GAB1: variants seen among roughly 807,000 people sequenced by gnomAD.
The protein encoded by GAB1 is GRB2 associated binding protein 1.
GAB1 carries 19 observed loss-of-function variants against 66.5 expected under a neutral mutation model. That is an observed-to-expected ratio of 0.29 (90% CI 0.20 to 0.42). The LOEUF (loss-of-function observed/expected upper bound fraction) is 0.42. Among genes scored for constraint, GAB1 ranks in the 10% least tolerant of loss-of-function variants. The pLI is 1.00. For synonymous variants in GAB1, 294 were observed against 301.4 expected, an observed-to-expected ratio of 0.98 and a Z score of 0.25; for missense variants, 732 against 858.5, an observed-to-expected ratio of 0.85 and a Z score of 1.84.
chr4:143,359,311 A>G (rs1014640314), intron 1 of GAB1, among the ~76,000 whole-genome samples: 2 of 152,182 alleles, frequency 1.3e-5, no homozygotes, highest in African/African-American at 4.8e-5. Context: ...TGATACTGAA[A>G]GTAGATTATT....
chr4:143,470,676 A>G lies in GAB1; in HGVS notation c.*1487A>G, dbSNP rs1294084736. On this transcript the variant is annotated 3_prime_UTR_variant, in exon 10 of 10. Transcript: ENST00000262994. ...ATGTACTGATTTGAGACTTATAACA[A>G]TTTTTGGAGGGGGCATAGAGAAAGG... The G allele has an allele frequency of 6.6e-6, 1 of 152,224 alleles. No individual in the cohort carries two copies. Among genetic ancestry groups the G allele is most frequent in the African/African-American group, 2.4e-5 (1 of 41,462 alleles). The allele number at this position is 152,224 out of a possible 1,614,324, so 9.4% of individuals were successfully genotyped here.
intron 8 of GAB1, among the ~76,000 whole-genome samples, chr4:143,464,817 A>T (rs575405052): frequency 6.6e-6 from 1 of 152,220 alleles, no homozygotes; most frequent in Non-Finnish European, 1.5e-5. Flanking sequence ...AATAGTCTCA[A>T]TATTTTCCTA....
chr4:143,425,986 A>T (rs1733331968), intron 2 of GAB1: 9 of 677,650 alleles, frequency 1.3e-5, no homozygotes, highest in East Asian at 2.7e-5. Flanking sequence ...GTATCTAAAT[A>T]AAAAAAATTT....
intron 2 of GAB1, among the ~76,000 whole-genome samples, chr4:143,432,069 C>A (rs1179657184): frequency 6.6e-6 from 1 of 152,154 alleles, no homozygotes; most frequent in Non-Finnish European, 1.5e-5. Flanking sequence ...TGGGGAAGAA[C>A]CTGTCATATG....
rs1006681746 is a variant in GAB1 at position 143,469,904 on chromosome 4, T to A, written c.*715T>A. The A allele has an allele frequency of 2.0e-5, 3 of 152,740 alleles. No homozygotes were observed. The highest frequency in any genetic ancestry group is 2.0e-4 in the Admixed American group (3 of 15,294). 9.5% of individuals were successfully genotyped at this position (152,740 alleles called of 1,614,324 possible). On this transcript the variant is annotated 3_prime_UTR_variant, in exon 10 of 10. Coordinates refer to ENST00000262994, the MANE Select transcript of GAB1 (RefSeq NM_002039.4). ...AAGACTGAATAATTACACTACCAAG[T>A]AAGCCTGCAAATCATTGATGGCATG...
At chr4:143,430,147 A>C (rs1733575786) in intron 2 of GAB1, among the ~76,000 whole-genome samples, 1 of 152,182 alleles carries the variant, frequency 6.6e-6, no homozygotes, top group African/African-American at 2.4e-5. Context: ...AGAAACCTAC[A>C]TTTGAAAGCA....
intron 2 of GAB1, among the ~76,000 whole-genome samples, chr4:143,420,622 A>G (rs1464868010): frequency 1.3e-5 from 2 of 152,092 alleles, no homozygotes; most frequent in East Asian, 3.8e-4. Flanking sequence ...TCTGCAACAC[A>G]AGGTGGAAGC....
intron 2 of GAB1, among the ~76,000 whole-genome samples, chr4:143,416,570 T>C (rs181165264): frequency 8.5e-5 from 13 of 152,264 alleles, no homozygotes; most frequent in Admixed American, 8.5e-4. Flanking sequence ...AAGGAGTTCT[T>C]CAAGACCAGC....
At chr4:143,389,740 G>C (rs1731095427) in intron 1 of GAB1, among the ~76,000 whole-genome samples, 2 of 152,182 alleles carry the variant, frequency 1.3e-5, no homozygotes, top group East Asian at 3.8e-4. Context: ...AACAGTAAGT[G>C]CTCAGTACAT....
intron 1 of GAB1, among the ~76,000 whole-genome samples, chr4:143,345,292 T>G (rs1728952231): frequency 6.6e-6 from 1 of 152,182 alleles, no homozygotes; most frequent in Non-Finnish European, 1.5e-5. Context: ...GGTGGTTTTC[T>G]TTTCTCCCAG....
At chr4:143,449,038 T>G (rs941013999) in intron 6 of GAB1, among the ~76,000 whole-genome samples, 1 of 151,856 alleles carries the variant, frequency 6.6e-6, no homozygotes, top group African/African-American at 2.4e-5. Flanking sequence ...TGCCTTCATT[T>G]CGTTATGTAC....
At chr4:143,448,896 G>A (rs1209472958) in intron 6 of GAB1, among the ~76,000 whole-genome samples, 1 of 151,120 alleles carries the variant, frequency 6.6e-6, no homozygotes, top group Admixed American at 6.6e-5. Flanking sequence ...TGTCAATTTT[G>A]GATCTTTCCT....
At chr4:143,376,180 G>A (rs1340437267) in intron 1 of GAB1, among the ~76,000 whole-genome samples, 1 of 152,032 alleles carries the variant, frequency 6.6e-6, no homozygotes, top group Non-Finnish European at 1.5e-5. Context: ...CTAAGGGAAG[G>A]AATGAATATA....
At chr4:143,464,066 C>T (rs560072565) in intron 8 of GAB1, among the ~76,000 whole-genome samples, 71 of 152,136 alleles carry the variant, frequency 4.7e-4, no homozygotes, top group Non-Finnish European at 9.1e-4. Flanking sequence ...TTCACACACT[C>T]ATGGCTGATT....
intron 1 of GAB1, among the ~76,000 whole-genome samples, chr4:143,367,552 C>CT (rs33926534): frequency 6.4e-4 from 90 of 141,114 alleles, no homozygotes; most frequent in Middle Eastern, 7.5e-3. Flanking sequence ...TAAATGTTTG[C>CT]TTTTTTTTTT....
At chr4:143,450,903 CA>C (rs1560780086) in intron 6 of GAB1, among the ~76,000 whole-genome samples, 1 of 146,890 alleles carries the variant, frequency 6.8e-6, no homozygotes, top group Admixed American at 6.8e-5. Flanking sequence ...AAAAAAAAAA[CA>C]AAAAATGTGT....
intron 1 of GAB1, among the ~76,000 whole-genome samples, chr4:143,371,039 T>C (rs1730099613): frequency 6.6e-6 from 1 of 152,198 alleles, no homozygotes; most frequent in Admixed American, 6.5e-5. Context: ...AGCAGCATGA[T>C]TTATATTCCT....
intron 1 of GAB1, among the ~76,000 whole-genome samples, chr4:143,339,791 C>T (rs1027102125): frequency 6.6e-6 from 1 of 152,148 alleles, no homozygotes; most frequent in African/African-American, 2.4e-5. Flanking sequence ...TCAATGTAGA[C>T]TGAAACTATG....
At chr4:143,446,325 G>A (rs1365453808) in intron 6 of GAB1, among the ~76,000 whole-genome samples, 1 of 152,122 alleles carries the variant, frequency 6.6e-6, no homozygotes, top group Non-Finnish European at 1.5e-5. Context: ...GGGATGGCTG[G>A]GTCAAATGGT....
Sources: allele counts gnomAD v4.1 joint callset (sites outside exome capture counted in the v4.1 genomes callset), GRCh38; gene constraint gnomAD v4.1.1; transcripts MANE v1.5; gene names NCBI Gene and HGNC (gene_info 2026-07-23, HGNC 2026-07-21).